The following ROBO4 variants were observed in gnomAD, a reference collection of about 807,000 sequenced individuals.
The protein encoded by ROBO4 is roundabout guidance receptor 4, also known as roundabout homolog 4.
Under a neutral mutation model 103.3 loss-of-function variants are expected in ROBO4, and 80 were observed. The observed-to-expected ratio is 0.77, with a 90% confidence interval of 0.65 to 0.93. ROBO4 has a LOEUF of 0.93. ROBO4 is among the 40% of genes least tolerant of loss of function. ROBO4 has a pLI of 0.00. For missense variants in ROBO4, 1,333 were observed against 1,305.3 expected (o/e 1.02, Z -0.33); for synonymous variants, 504 against 529.7 (o/e 0.95, Z 0.67).
Position 124,886,581 on chromosome 11 carries a change from C to G in ROBO4, c.2677G>C (p.Val893Leu). Residue 893 changes from valine (V) to leucine (L), a missense_variant, in exon 16 of 18, where the codon GTC becomes CTC. Physicochemically the swap from Val to Leu is conservative, Grantham distance 32 (BLOSUM62 1). Transcript: ENST00000306534. ...AGGAAGGAGCCATCGGAGGAGCTGA[C>G]AAGGCTGGCTCTGGCGCTGGCGGCA... is the stretch of plus-strand genomic sequence containing the variant. ...DNAASARASL[V>L]SSSDGSFLAD... 6.2e-7 allele frequency: 1 copy of G among 1,614,202 alleles called. No individual in the cohort carries two copies. Among genetic ancestry groups the G allele is most frequent in the Non-Finnish European group, 8.5e-7 (1 of 1,180,038 alleles).
In ROBO4 at chr11:124,896,380, A is replaced by C. The variant is rs1001765625; in HGVS notation, c.559-62T>G. Reference sequence around the variant, plus strand: ...GGGGAGGGGCTCTGAGCTGGGGGGAAGTTTGAGGCCCCCTGCTCTCCCCTC... The same window carrying C: ...GGGGAGGGGCTCTGAGCTGGGGGGACGTTTGAGGCCCCCTGCTCTCCCCTC... On this transcript the variant is annotated intron_variant, in intron 3 of 17. Transcript: ENST00000306534. The C allele has an allele frequency of 3.7e-6, 6 of 1,603,856 alleles. No homozygotes were observed. In the East Asian group the frequency reaches 1.3e-4, roughly 36 times the overall value.
intron 5 of ROBO4, 48 bp downstream of exon 5, chr11:124,895,737 C>T: frequency 1.2e-6 from 2 of 1,612,840 alleles, no homozygotes; most frequent in Non-Finnish European, 1.7e-6. Context: ...CAGGAACGCC[C>T]TTTCTTGAGC....
rs201659190 is a variant in ROBO4 at position 124,895,582 on chromosome 11, C to A, written c.911G>T (p.Gly304Val). The change falls in exon 6 of 18, where the codon GGC becomes GTC. Residue 304 changes from glycine to valine, a missense_variant. By Grantham distance (109) the Gly-to-Val change is moderately radical. Coordinates refer to ENST00000306534, the MANE Select transcript of ROBO4 (RefSeq NM_019055.6). ...GCCTCCAAGCTCTGCGCTCTGCCAG[C>A]CGGCCAGCAGCTCCTCTGCCCACGG... ...GAPWAEELLA[G>V]WQSAELGGLH... The A allele has an allele frequency of 6.1e-5, 99 of 1,613,464 alleles. No homozygotes were observed. The East Asian group carries it at 2.1e-3, about 34-fold the overall frequency.
chr11:124,894,287 T>C lies in ROBO4; in HGVS notation c.1232A>G (p.His411Arg). ...GEQTQLEIATHMPGSYCVQVA... is the reference protein window; with the variant it reads ...GEQTQLEIATRMPGSYCVQVA... ...TTGCACGCAGTAGGAGCCTGGCATA[T>C]GGGTGGCGATTTCCAGCTGGGTCTG... The change falls in exon 8 of 18, where the codon CAT (histidine) becomes CGT (arginine). Residue 411 changes from histidine (H) to arginine (R), a missense_variant. By Grantham distance (29) the His-to-Arg change is conservative (BLOSUM62 0). Coordinates refer to ENST00000306534, the MANE Select transcript of ROBO4 (RefSeq NM_019055.6). 6.2e-7 allele frequency: 1 copy of C among 1,614,104 alleles called. No homozygotes were observed. Among genetic ancestry groups the C allele is most frequent in the Non-Finnish European group, 8.5e-7 (1 of 1,180,012 alleles).
chr11:124,894,283 C>G lies in ROBO4; in HGVS notation c.1236G>C (p.Met412Ile). The change falls in exon 8 of 18, where the codon ATG becomes ATC. Residue 412 changes from methionine (M) to isoleucine (I), a missense_variant. Physicochemically the swap from Met to Ile is conservative, Grantham distance 10. Transcript: ENST00000306534. ...EQTQLEIATH[M>I]PGSYCVQVAA... ...CCACTTGCACGCAGTAGGAGCCTGG[C>G]ATATGGGTGGCGATTTCCAGCTGGG... 1 of 1,614,086 alleles carries G rather than the reference C, an allele frequency of 6.2e-7. No individual in the cohort carries two copies. Among genetic ancestry groups the G allele is most frequent in the Non-Finnish European group, 8.5e-7 (1 of 1,180,002 alleles).
In ROBO4 at chr11:124,893,676, T is replaced by A. The variant is rs375422795; in HGVS notation, c.1547+12A>T. 9 of 1,613,614 alleles carry A rather than the reference T, an allele frequency of 5.6e-6. No homozygotes were observed. The highest frequency in any genetic ancestry group is 7.6e-6 in the Non-Finnish European group (9 of 1,179,554). On this transcript the variant is annotated intron_variant, in intron 10 of 17. Transcript: ENST00000306534. ...CCCTCCCTTACTTCAGACCTCCCCTTTCACCTCTCACCTGTGTTTTAGGAT... is the reference window on the plus strand; with the variant it reads ...CCCTCCCTTACTTCAGACCTCCCCTATCACCTCTCACCTGTGTTTTAGGAT...
At chr11:124,891,830 C>T (rs768376795) in intron 10 of ROBO4, 28 bp from the exon 11 acceptor site, 1 of 1,612,492 alleles carries the variant, frequency 6.2e-7, no homozygotes, top group Non-Finnish European at 8.5e-7. Flanking sequence ...GGGGGTGAGG[C>T]CAGGAGAAAC....
rs531816393 is a variant in ROBO4, at chr11:124,895,219, A to G, written c.1037-26T>C. 4.1e-5 allele frequency: 63 copies of G among 1,541,694 alleles called. No individual in the cohort carries two copies. In the African/African-American group the frequency reaches 7.9e-4, roughly 19 times the overall value. ...CTGGAGGGGTGGAAGAGAGACTATG[A>G]GGGGCTCTGAGGGAGAGGACTCTAG... On this transcript the variant is annotated intron_variant, in intron 6 of 17. Coordinates refer to ENST00000306534, the MANE Select transcript of ROBO4 (RefSeq NM_019055.6).
Position 124,887,191 on chromosome 11 carries a change from G to A in ROBO4, c.2221C>T (p.Pro741Ser). ...GCTGCTGGCAGCAGGATGGAGGAGG[G>A]AGCCTGTGGTGCCACCGGAGGCCTG... ...QTQPPVAPQA[P>S]SSILLPAAPI... Residue 741 changes from proline (P) to serine (S), a missense_variant, in exon 15 of 18, where the codon CCC becomes TCC. Transcript: ENST00000306534. 6.3e-7 allele frequency: 1 copy of A among 1,597,516 alleles called. No individual in the cohort carries two copies. The highest frequency in any genetic ancestry group is 1.1e-5 in the South Asian group (1 of 88,736).
rs762237479 is a variant in ROBO4 at position 124,885,003 on chromosome 11, T to C, written c.3001+38A>G. On this transcript the variant is annotated intron_variant, in intron 17 of 17. Transcript: ENST00000306534. ...TGGCTTCTTCCCAGAGGCCCTCTGGTCAAGATGAACACATTAGCCAGGAAG... is the reference window on the plus strand; with the variant it reads ...TGGCTTCTTCCCAGAGGCCCTCTGGCCAAGATGAACACATTAGCCAGGAAG... 8 of 1,613,366 alleles carry C rather than the reference T, an allele frequency of 5.0e-6. No homozygotes were observed. In the South Asian group the frequency reaches 8.8e-5, roughly 18 times the overall value.
rs1490872964 is a variant in ROBO4 at position 124,885,104 on chromosome 11, G to A, written c.2938C>T (p.Pro980Ser). ...TGGGAAGAGATCTGAGAGTCAGGGG[G>A]CCAGGGAGGCATCCCCCTTCCCAGC... The part of the protein sequence containing the change: ...QRLGRGMPPW[P>S]PDSQISSQRS... Residue 980 changes from proline to serine, a missense_variant, in exon 17 of 18, where the codon CCC becomes TCC. Transcript: ENST00000306534. The A allele has an allele frequency of 1.2e-6, 2 of 1,614,008 alleles. No individual in the cohort carries two copies. Among genetic ancestry groups the A allele is most frequent in the Non-Finnish European group, 1.7e-6 (2 of 1,180,044 alleles).
Position 124,896,180 on chromosome 11 carries a change from G to A in ROBO4, c.679+18C>T, listed in dbSNP as rs1321475838. 4 of 1,612,240 alleles carry A rather than the reference G, an allele frequency of 2.5e-6. No individual in the cohort carries two copies. The highest frequency in any genetic ancestry group is 1.7e-5 in the Admixed American group (1 of 59,898). ...AGCCTGCAGCCTGGCTCTGATTGTAGCCCACCCCTGCCCTTACCCTGGATG... is the reference window on the plus strand; with the variant it reads ...AGCCTGCAGCCTGGCTCTGATTGTAACCCACCCCTGCCCTTACCCTGGATG... On this transcript the variant is annotated intron_variant, in intron 4 of 17. Transcript: ENST00000306534.
At chr11:124,897,669 T>G in intron 1 of ROBO4, 57 bp downstream of exon 1, 1 of 1,521,656 alleles carries the variant, frequency 6.6e-7, no homozygotes. Flanking sequence ...AGGCCCCTTC[T>G]GCCCTGAGCA....
At position 124,886,641 on chromosome 11, in the gene ROBO4, AG is replaced by A. The variant is rs773944331; in HGVS notation, c.2616del (p.Leu873Ter). ...PCLTPTPSEG[S>X]LANGWGSASE... ...GAGGCTGAGCCCCAACCATTGGCTA[AG>A]GAGCCCTCGCTGGGGGTGGGGGTGA... On this transcript the variant is annotated frameshift_variant, in exon 16 of 18. Transcript: ENST00000306534. LOFTEE classifies it high-confidence loss of function. 1 of 1,614,062 alleles carries A rather than the reference AG, an allele frequency of 6.2e-7. No individual in the cohort carries two copies. Among genetic ancestry groups the A allele is most frequent in the East Asian group, 2.2e-5 (1 of 44,894 alleles).
rs1355529097 is a variant in ROBO4 at position 124,885,258 on chromosome 11, G to T, written c.2795-11C>A. 1.2e-6 allele frequency: 2 copies of T among 1,604,170 alleles called. No homozygotes were observed. Among genetic ancestry groups the T allele is most frequent in the African/African-American group, 1.3e-5 (1 of 74,972 alleles). On this transcript the variant is annotated splice_polypyrimidine_tract_variant and intron_variant, in intron 16 of 17. Coordinates refer to ENST00000306534, the MANE Select transcript of ROBO4 (RefSeq NM_019055.6). ...GAGGTGATGAGGCATCTGTCAGGGA[G>T]GGTAGAGGTGTCTGTGGGAGGTTGA...
rs550318959 is a variant in ROBO4 at position 124,883,760 on chromosome 11, C to G, written c.*1131G>C. On this transcript the variant is annotated 3_prime_UTR_variant, in exon 18 of 18. Coordinates refer to ENST00000306534, the MANE Select transcript of ROBO4 (RefSeq NM_019055.6). ...TCCTGACCTCATGATCTGCCTACCT[C>G]CGCCTCCCAAAGTGCTGGGATTACA... The G allele has an allele frequency of 3.6e-4, 55 of 151,966 alleles. No individual in the cohort carries two copies. The highest frequency in any genetic ancestry group is 1.2e-3 in the African/African-American group (49 of 41,464). 9.4% of individuals were successfully genotyped at this position (151,966 alleles called of 1,614,324 possible). A position where few individuals can be genotyped will look rare whatever the true frequency, so the allele number is the denominator to read the frequency against.
chr11:124,891,711 G>T lies in ROBO4; in HGVS notation c.1639C>A (p.Arg547=), dbSNP rs145116773. Residue 547 remains arginine, a synonymous_variant, in exon 11 of 18, where the codon CGG becomes AGG. Transcript: ENST00000306534. ...DLSSSSSLSS[R]LGADARDPLD... The stretch of plus-strand genomic sequence containing the variant: ...GGGTCCCGGGCATCCGCCCCCAGCC[G>T]ACTGCTGAGGCTGCTGCTGCTGCTC... 3 of 1,614,122 alleles carry T rather than the reference G, an allele frequency of 1.9e-6. No homozygotes were observed. The highest frequency in any genetic ancestry group is 2.5e-6 in the Non-Finnish European group (3 of 1,180,036).
At chr11:124,895,286 T>C (rs12417319) in intron 6 of ROBO4, 93 bp from the exon 7 acceptor site, 222,340 of 1,192,676 alleles carry the variant, frequency 0.19, 25,620 homozygotes, top group African/African-American at 0.52. Flanking sequence ...AGAACCCTAC[T>C]GAAGAGACAA....
intron 2 of ROBO4, 106 bp from the exon 3 acceptor site, chr11:124,896,776 AG>A: frequency 6.6e-7 from 1 of 1,513,920 alleles, no homozygotes. Flanking sequence ...CCTCCCATTT[AG>A]GGCCAGCCCC....
Sources: allele counts gnomAD v4.1 joint callset, GRCh38; gene constraint gnomAD v4.1.1; transcripts MANE v1.5; gene names NCBI Gene and HGNC (gene_info 2026-07-23, HGNC 2026-07-21).